AMPH: variants seen among roughly 807,000 people sequenced by gnomAD.
AMPH encodes the protein amphiphysin.
AMPH carries 49 observed loss-of-function variants against 99.1 expected under a neutral mutation model. The ratio of observed to expected loss-of-function variants is 0.49; its 90% CI spans 0.39 to 0.63. The LOEUF (loss-of-function observed/expected upper bound fraction) is 0.63, where lower values mean the gene tolerates loss of function less well. Among genes scored for constraint, AMPH ranks in the 20% least tolerant of loss-of-function variants. The probability of loss-of-function intolerance (pLI) is 0.00; values close to 1 mark genes in which losing one functional copy is unlikely to be tolerated. For missense variants in AMPH, 759 were observed against 863.4 expected, an observed-to-expected ratio of 0.88 and a Z score of 1.52; for synonymous variants, 314 against 317.3, an observed-to-expected ratio of 0.99 and a Z score of 0.11.
chr7:38,469,673 G>C (rs933364080), intron 7 of AMPH, among the ~76,000 whole-genome samples: 1 of 152,068 alleles, frequency 6.6e-6, no homozygotes, highest in Non-Finnish European at 1.5e-5. Flanking sequence ...CTCTCAGCAA[G>C]ACTCCTCAAC....
At chr7:38,616,363 G>A (rs957403931) in intron 1 of AMPH, among the ~76,000 whole-genome samples, 20 of 152,136 alleles carry the variant, frequency 1.3e-4, no homozygotes, top group Admixed American at 2.6e-4. Context: ...TGAAAATATA[G>A]GCTTTCTAAA....
chr7:38,492,139 T>C (rs1240448593), intron 4 of AMPH, among the ~76,000 whole-genome samples: 2 of 152,254 alleles, frequency 1.3e-5, no homozygotes, highest in South Asian at 2.1e-4. Flanking sequence ...CCTCCCATTT[T>C]AGCTCGGCCC....
intron 1 of AMPH, among the ~76,000 whole-genome samples, chr7:38,549,489 C>A (rs1270860597): frequency 6.6e-6 from 1 of 152,218 alleles, no homozygotes; most frequent in African/African-American, 2.4e-5. Flanking sequence ...TCTTCAGAGA[C>A]AAGAAGCCCA....
At chr7:38,583,572 GA>G (rs1792542414) in intron 1 of AMPH, among the ~76,000 whole-genome samples, 1 of 152,198 alleles carries the variant, frequency 6.6e-6, no homozygotes, top group Non-Finnish European at 1.5e-5. Context: ...TTTTGAGGAT[GA>G]ACCCCTCTGT....
chr7:38,601,731 G>A (rs1793253739), intron 1 of AMPH, among the ~76,000 whole-genome samples: 1 of 152,160 alleles, frequency 6.6e-6, no homozygotes, highest in South Asian at 2.1e-4. Flanking sequence ...CAGCTCCACT[G>A]TGTAACTTTG....
intron 1 of AMPH, among the ~76,000 whole-genome samples, chr7:38,552,392 G>A (rs1475113832): frequency 6.6e-6 from 1 of 152,154 alleles, no homozygotes; most frequent in Admixed American, 6.5e-5. Flanking sequence ...CCAGATATGG[G>A]CAAATCCCTA....
intron 2 of AMPH, among the ~76,000 whole-genome samples, chr7:38,534,717 A>G (rs1790534028): frequency 6.6e-6 from 1 of 152,174 alleles, no homozygotes; most frequent in South Asian, 2.1e-4. Flanking sequence ...AGTCCAGGAC[A>G]GCAGAGTCTT....
intron 1 of AMPH, among the ~76,000 whole-genome samples, chr7:38,585,758 C>T (rs955565477): frequency 6.6e-6 from 1 of 152,202 alleles, no homozygotes; most frequent in Non-Finnish European, 1.5e-5. Context: ...ATTTTTGAAA[C>T]ATTTTTCACC....
chr7:38,405,070 A>G (rs1454721532), intron 17 of AMPH, among the ~76,000 whole-genome samples: 6 of 150,316 alleles, frequency 4.0e-5, no homozygotes, highest in Non-Finnish European at 8.9e-5. Context: ...CTTCTTAAAG[A>G]AAAAAAAAAT....
At chr7:38,534,394 C>G (rs78855895) in intron 2 of AMPH, among the ~76,000 whole-genome samples, 3 of 152,170 alleles carry the variant, frequency 2.0e-5, no homozygotes, top group African/African-American at 4.8e-5. Context: ...GGTCGGAGAC[C>G]GGGCCTGGTA....
intron 1 of AMPH, among the ~76,000 whole-genome samples, chr7:38,604,389 C>A (rs2195911): frequency 0.71 from 107,507 of 152,150 alleles, 39,227 homozygotes; most frequent in African/African-American, 0.85. Context: ...AGCCTCTGCA[C>A]CTTCGGCAAG....
intron 1 of AMPH, among the ~76,000 whole-genome samples, chr7:38,572,933 A>G (rs1355633211): frequency 6.6e-6 from 1 of 152,140 alleles, no homozygotes; most frequent in African/African-American, 2.4e-5. Context: ...CTCCAGCACA[A>G]TATCAGCATC....
chr7:38,435,169 T>G (rs556578906), intron 12 of AMPH, among the ~76,000 whole-genome samples: 1 of 152,348 alleles, frequency 6.6e-6, no homozygotes, highest in East Asian at 1.9e-4. Context: ...CAAAGCATCT[T>G]CAAGGCTAGT....
chr7:38,477,454 G>C (rs1277688753), intron 5 of AMPH, among the ~76,000 whole-genome samples: 1 of 152,164 alleles, frequency 6.6e-6, no homozygotes, highest in Non-Finnish European at 1.5e-5. Flanking sequence ...TCAATACTTT[G>C]TTCATTAGAA....
chr7:38,593,940 G>A (rs1235955462), intron 1 of AMPH, among the ~76,000 whole-genome samples: 4 of 152,216 alleles, frequency 2.6e-5, no homozygotes, highest in African/African-American at 4.8e-5. Flanking sequence ...GCAGCTAGGT[G>A]ATGAGGGCCT....
At chr7:38,401,215 A>G (rs1383551946) in intron 17 of AMPH, among the ~76,000 whole-genome samples, 1 of 152,238 alleles carries the variant, frequency 6.6e-6, no homozygotes, top group East Asian at 1.9e-4. Context: ...ATTAGGTTAC[A>G]CATTTCAATA....
chr7:38,453,480 C>G lies in AMPH; in HGVS notation c.1017+7803G>C, dbSNP rs187999185. The stretch of plus-strand genomic sequence containing the variant: ...CCAGTTCTTAACTTTTCCCATCACT[C>G]TCACTCAACAGTACCAGCAAAAGCG... On this transcript the variant is annotated intron_variant, in intron 11 of 20. Transcript: ENST00000356264. Among the ~76,000 whole-genome samples the G allele has an allele frequency of 1.4e-3, 210 of 152,342 alleles. 1 individual carries two copies. The highest frequency in any genetic ancestry group is 4.9e-3 in the African/African-American group (204 of 41,578).
intron 3 of AMPH, among the ~76,000 whole-genome samples, chr7:38,503,367 A>G (rs1789208108): frequency 6.6e-6 from 1 of 152,126 alleles, no homozygotes; most frequent in African/African-American, 2.4e-5. Context: ...CAAGGTCTCA[A>G]GCTCACTCTA....
chr7:38,545,661 G>A (rs1205855024), intron 1 of AMPH, among the ~76,000 whole-genome samples: 3 of 152,128 alleles, frequency 2.0e-5, no homozygotes, highest in Non-Finnish European at 2.9e-5. Context: ...CGGTACTTAC[G>A]TAACTTTTGA....
Sources: allele counts gnomAD v4.1 joint callset (sites outside exome capture counted in the v4.1 genomes callset), GRCh38; gene constraint gnomAD v4.1.1; transcripts MANE v1.5; gene names NCBI Gene and HGNC (gene_info 2026-07-23, HGNC 2026-07-21).